MALRD1: variants seen among roughly 807,000 people sequenced by gnomAD.
MALRD1 encodes MAM and LDL receptor class A domain containing 1.
MALRD1 carries 247 observed loss-of-function variants against 242.1 expected under a neutral mutation model. The ratio of observed to expected loss-of-function variants is 1.02; its 90% confidence interval spans 0.92 to 1.13. The LOEUF (loss-of-function observed/expected upper bound fraction) is 1.13, where lower values mean the gene tolerates loss of function less well. Ranked by LOEUF, MALRD1 falls within the 50% of genes most tolerant of loss-of-function variation. The pLI is 0.00. For synonymous variants in MALRD1, 995 were observed against 866.6 expected (o/e 1.15, Z -2.60); for missense variants, 2,989 against 2,533.1 (o/e 1.18, Z -3.86).
At chr10:19,422,404 A>G (rs1251168958) in intron 28 of MALRD1, among the ~76,000 whole-genome samples, 2 of 152,228 alleles carry the variant, frequency 1.3e-5, no homozygotes, top group Admixed American at 1.3e-4. Flanking sequence ...ACAGAAAAAC[A>G]TAGAGTAACC....
intron 18 of MALRD1, among the ~76,000 whole-genome samples, chr10:19,243,244 C>T (rs1838879565): frequency 6.6e-6 from 1 of 151,820 alleles, no homozygotes; most frequent in Admixed American, 6.6e-5. Flanking sequence ...TGTTACCTTA[C>T]ATTACATCTT....
At chr10:19,563,427 C>G (rs564576253) in intron 32 of MALRD1, among the ~76,000 whole-genome samples, 1 of 152,136 alleles carries the variant, frequency 6.6e-6, no homozygotes, top group African/African-American at 2.4e-5. Flanking sequence ...TAAGCAGTAA[C>G]TCACTTCATT....
At chr10:19,679,290 G>T (rs1020148606) in intron 36 of MALRD1, among the ~76,000 whole-genome samples, 4 of 151,998 alleles carry the variant, frequency 2.6e-5, no homozygotes, top group African/African-American at 9.7e-5. Flanking sequence ...ACTGGTCGTG[G>T]GCTTTTATTT....
intron 31 of MALRD1, among the ~76,000 whole-genome samples, chr10:19,518,358 G>T (rs934299328): frequency 6.6e-6 from 1 of 152,082 alleles, no homozygotes. Flanking sequence ...CTGAATTATT[G>T]TGCAGATATT....
chr10:19,478,241 A>G (rs915270301), intron 29 of MALRD1, among the ~76,000 whole-genome samples: 3 of 152,220 alleles, frequency 2.0e-5, no homozygotes, highest in Non-Finnish European at 4.4e-5. Flanking sequence ...ATCCTAAGCA[A>G]AAGCTATCTG....
intron 26 of MALRD1, among the ~76,000 whole-genome samples, chr10:19,374,215 G>C (rs1473825992): frequency 6.6e-6 from 1 of 152,086 alleles, no homozygotes; most frequent in African/African-American, 2.4e-5. Context: ...GTACAATGAA[G>C]TACTAATGTA....
intron 5 of MALRD1, among the ~76,000 whole-genome samples, chr10:19,109,345 C>T (rs565111293): frequency 1.7e-4 from 26 of 152,248 alleles, no homozygotes; most frequent in Middle Eastern, 3.4e-3. Context: ...GCTCCACTAC[C>T]GGGTTGGGTG....
chr10:19,678,795 T>C (rs915847938), intron 36 of MALRD1, among the ~76,000 whole-genome samples: 2 of 152,188 alleles, frequency 1.3e-5, no homozygotes, highest in Non-Finnish European at 2.9e-5. Flanking sequence ...TTGTCATAAA[T>C]GGCTTTTATT....
chr10:19,402,522 G>A (rs548192080), intron 28 of MALRD1, among the ~76,000 whole-genome samples: 35 of 151,994 alleles, frequency 2.3e-4, no homozygotes, highest in Non-Finnish European at 4.4e-4. Flanking sequence ...ATGACTGTGA[G>A]GCCTCCCCAG....
chr10:19,352,004 A>T lies in MALRD1; in HGVS notation c.4150-2A>T. 6.5e-7 allele frequency: 1 copy of T among 1,541,532 alleles called. No homozygotes were observed. Among genetic ancestry groups the T allele is most frequent in the Non-Finnish European group, 8.8e-7 (1 of 1,139,260 alleles). On this transcript the variant is annotated splice_acceptor_variant, in intron 25 of 39. Transcript: ENST00000454679. LOFTEE classifies it high-confidence loss of function. ...ATGTAATATTCCTATTCTTGATTAC[A>T]GATTATTTTTCATTATCACATGTAT...
intron 5 of MALRD1, among the ~76,000 whole-genome samples, chr10:19,121,514 G>A (rs775033816): frequency 6.6e-6 from 1 of 152,186 alleles, no homozygotes; most frequent in Non-Finnish European, 1.5e-5. Context: ...AGTTGGAGAA[G>A]GTTGTCGGAT....
Position 19,531,190 on chromosome 10 carries a change from C to T in MALRD1, c.5321-4C>T. ...TGAAAAAAATTTTGTTAATCTATTT[C>T]AAGGTAGTGGTCAGCACTTCCTGTA... On this transcript the variant is annotated splice_polypyrimidine_tract_variant and splice_region_variant and intron_variant, in intron 31 of 39. Transcript: ENST00000454679. 6.5e-7 allele frequency: 1 copy of T among 1,541,354 alleles called. No homozygotes were observed. The highest frequency in any genetic ancestry group is 8.8e-7 in the Non-Finnish European group (1 of 1,141,352).
At chr10:19,587,625 T>G (rs1199458235) in intron 33 of MALRD1, among the ~76,000 whole-genome samples, 1 of 152,262 alleles carries the variant, frequency 6.6e-6, no homozygotes, top group African/African-American at 2.4e-5. Context: ...ATGTTTCTAC[T>G]GCTGTGCAAA....
chr10:19,384,365 G>GTATATAATATAATATTTATTATATAGTA (rs1845971397), intron 26 of MALRD1, among the ~76,000 whole-genome samples: 1 of 114,496 alleles, frequency 8.7e-6, no homozygotes, highest in African/African-American at 3.4e-5. Context: ...ATATTATATA[G>GTATATAATATAATATTTATTATATAGTA]TATATAATAT....
intron 18 of MALRD1, among the ~76,000 whole-genome samples, chr10:19,248,377 T>C (rs1019181212): frequency 1.4e-5 from 2 of 146,918 alleles, no homozygotes; most frequent in Non-Finnish European, 3.0e-5. Flanking sequence ...ACATAATGAA[T>C]ATTAAGGTGC....
intron 28 of MALRD1, among the ~76,000 whole-genome samples, chr10:19,420,228 G>A (rs1270935906): frequency 6.6e-6 from 1 of 152,158 alleles, no homozygotes; most frequent in African/African-American, 2.4e-5. Flanking sequence ...GAATGACGGG[G>A]TGAGTGGTTT....
chr10:19,680,379 T>C (rs973236975), intron 36 of MALRD1, among the ~76,000 whole-genome samples: 2 of 152,196 alleles, frequency 1.3e-5, no homozygotes, highest in Non-Finnish European at 2.9e-5. Flanking sequence ...TTGACCCCTT[T>C]ACCATTATGT....
At chr10:19,249,088 C>T (rs886554890) in intron 18 of MALRD1, among the ~76,000 whole-genome samples, 4 of 149,606 alleles carry the variant, frequency 2.7e-5, no homozygotes, top group Non-Finnish European at 5.9e-5. Flanking sequence ...TGCACATACA[C>T]ATATATGTGT....
rs373788788 is a variant in MALRD1 at position 19,171,986 on chromosome 10, A to ATCAC, written c.1831-3222_1831-3221insTCAC. 4.7e-3 allele frequency among the ~76,000 whole-genome samples: 36 copies of ATCAC among 7,636 alleles called. 5 individuals are homozygous for ATCAC. Among genetic ancestry groups the ATCAC allele is most frequent in the East Asian group, 0.02 (2 of 102 alleles). 5.0% of individuals were successfully genotyped at this position (7,636 alleles called of 152,430 possible). On this transcript the variant is annotated intron_variant, in intron 13 of 39. Transcript: ENST00000454679. ...CACATATATGTGATATATATCATATAATATATGTATATATCACATATATGT... is the reference window on the plus strand; with the variant it reads ...CACATATATGTGATATATATCATATATCACATATATGTATATATCACATATATGT...
Sources: allele counts gnomAD v4.1 joint callset (sites outside exome capture counted in the v4.1 genomes callset), GRCh38; gene constraint gnomAD v4.1.1; transcripts MANE v1.5; gene names NCBI Gene and HGNC (gene_info 2026-07-23, HGNC 2026-07-21).